Variants in GNAS observed in about 807,000 individuals in gnomAD.
GNAS encodes GNAS complex locus, also known as protein ALEX.
Under a neutral mutation model 54.5 loss-of-function variants are expected in GNAS, and 8 were observed. The ratio of observed to expected loss-of-function variants is 0.15; its 90% CI spans 0.09 to 0.26. The LOEUF (loss-of-function observed/expected upper bound fraction) is 0.26, where lower values mean the gene tolerates loss of function less well. Ranked by LOEUF, GNAS falls within the 10% of genes least tolerant of loss-of-function variation. The probability of loss-of-function intolerance (pLI) is 1.00; values close to 1 mark genes in which losing one functional copy is unlikely to be tolerated. For synonymous variants in GNAS, 204 were observed against 191.4 expected (o/e 1.07, Z -0.54); for missense variants, 170 against 529.8 (o/e 0.32, Z 6.67).
chr20:58,843,870 TAA>T (rs2085839511), intron 1 of GNAS, among the ~76,000 whole-genome samples: 1 of 152,226 alleles, frequency 6.6e-6, no homozygotes, highest in Admixed American at 6.5e-5. Flanking sequence ...GATGTAGGTT[TAA>T]AGTTTTGCAA....
At chr20:58,862,559 G>T (rs1043850655) in intron 1 of GNAS, among the ~76,000 whole-genome samples, 3 of 145,588 alleles carry the variant, frequency 2.1e-5, no homozygotes, top group African/African-American at 5.1e-5. Flanking sequence ...TTGTTGCTGG[G>T]TTTTTTTTTT....
intron 1 of GNAS, among the ~76,000 whole-genome samples, chr20:58,885,472 T>C (rs1447915484): frequency 6.6e-6 from 1 of 152,226 alleles, no homozygotes; most frequent in Non-Finnish European, 1.5e-5. Context: ...TGATGGATAA[T>C]AAATAGGAAA....
At chr20:58,870,832 C>T (rs2087393990) in intron 1 of GNAS, among the ~76,000 whole-genome samples, 1 of 152,178 alleles carries the variant, frequency 6.6e-6, no homozygotes, top group South Asian at 2.1e-4. Flanking sequence ...GAACCCACAT[C>T]CCACACTTGG....
intron 1 of GNAS, among the ~76,000 whole-genome samples, chr20:58,864,961 A>T (rs1396980932): frequency 1.3e-5 from 2 of 151,716 alleles, no homozygotes; most frequent in Non-Finnish European, 2.9e-5. Context: ...ACACACAAAC[A>T]CACACGCACG....
intron 1 of GNAS, chr20:58,854,854 C>T: frequency 6.3e-7 from 1 of 1,596,988 alleles, no homozygotes. Flanking sequence ...CATCTCAGAC[C>T]CCCCAGCCCC....
In GNAS at chr20:58,909,054, CTG is replaced by C; in HGVS notation, c.531-105_531-104del. ...GTGCCATTGACTTAGTGCTGCATAA[CTG>C]TGGGACGGTCACTTCCGTTGAGCCT... On this transcript the variant is annotated intron_variant, in intron 6 of 12. Coordinates refer to ENST00000371085, the MANE Select transcript of GNAS (RefSeq NM_000516.7). This position sits in a 1 kb window ranked among gnomAD's most constrained non-coding sequence, Gnocchi z 7.3. The C allele has an allele frequency of 1.1e-6, 1 of 902,594 alleles. No homozygotes were observed. Among genetic ancestry groups the C allele is most frequent in the South Asian group, 1.3e-5 (1 of 76,440 alleles). 55.9% of individuals were successfully genotyped at this position (902,594 alleles called of 1,614,324 possible). A position where few individuals can be genotyped will look rare whatever the true frequency, so the allele number is the denominator to read the frequency against.
At chr20:58,855,700 G>A in intron 1 of GNAS, 1 of 656,734 alleles carries the variant, frequency 1.5e-6, no homozygotes, top group South Asian at 1.7e-5. Flanking sequence ...CCCTGGCTAG[G>A]CTGGTGGGGT....
intron 1 of GNAS, among the ~76,000 whole-genome samples, chr20:58,882,578 ACTCAGC>A (rs1237005107): frequency 6.6e-6 from 1 of 152,130 alleles, no homozygotes; most frequent in Non-Finnish European, 1.5e-5. Flanking sequence ...AGTGTCCAAA[ACTCAGC>A]CCCATGGATC....
At chr20:58,888,652 C>G (rs923486171), upstream of GNAS, 1 of 152,256 alleles carries the variant, frequency 6.6e-6, no homozygotes, top group African/African-American at 2.4e-5. Context: ...TCCCGTGACA[C>G]CGGCGCGCCT....
chr20:58,892,870 GC>G (rs112895364), intron 1 of GNAS, among the ~76,000 whole-genome samples: 3 of 101,032 alleles, frequency 3.0e-5, no homozygotes, highest in South Asian at 3.1e-4. Context: ...TGTAGCAGCT[GC>G]CCCCCCCACC....
intron 6 of GNAS, among the ~76,000 whole-genome samples, chr20:58,907,259 C>T (rs1046921018): frequency 2.6e-5 from 4 of 152,092 alleles, no homozygotes; most frequent in Non-Finnish European, 5.9e-5. Context: ...AGATATTCCA[C>T]GGTTTAATAT....
At chr20:58,840,618 C>CCGACGCCT, upstream of GNAS, 1 of 1,608,256 alleles carries the variant, frequency 6.2e-7, no homozygotes, top group East Asian at 2.2e-5. This position sits in a 1 kb window ranked among gnomAD's most constrained non-coding sequence, Gnocchi z 6.0. Context: ...TTGCGAAGCC[C>CCGACGCCT]CGACGCCTCC....
upstream of GNAS, among the ~76,000 whole-genome samples, chr20:58,887,082 G>C (rs1293159942): frequency 6.6e-6 from 1 of 152,204 alleles, no homozygotes; most frequent in Non-Finnish European, 1.5e-5. Flanking sequence ...TAAAGTTCAG[G>C]TGTGATGTTT....
At chr20:58,889,423 C>T (rs2088894714), upstream of GNAS, 1 of 969,184 alleles carries the variant, frequency 1.0e-6, no homozygotes, top group Non-Finnish European at 1.2e-6. Context: ...GCCGCCGGGT[C>T]CGGGACAAGG....
intron 1 of GNAS, chr20:58,892,149 C>G (rs1449086784): frequency 1.0e-6 from 1 of 961,674 alleles, no homozygotes. Context: ...CGCTCTCGCT[C>G]TCCCCCTCTT....
At position 58,891,878 on chromosome 20, in the gene GNAS, GGGGGGCGCCGGCCCCGGCCC is replaced by G; in HGVS notation, c.139+20_139+39del. On this transcript the variant is annotated intron_variant, in intron 1 of 12. Coordinates refer to ENST00000371085, the MANE Select transcript of GNAS (RefSeq NM_000516.7). ...CTGCTGCTGCTGGGTAAGGGCGGGC[GGGGGGCGCCGGCCCCGGCCC>G]GGGGGCCCTCGAAGGGCGCCCCGCA... The G allele has an allele frequency of 8.6e-7, 1 of 1,160,092 alleles. No individual in the cohort carries two copies. Among genetic ancestry groups the G allele is most frequent in the Non-Finnish European group, 1.1e-6 (1 of 909,608 alleles). 71.9% of individuals were successfully genotyped at this position (1,160,092 alleles called of 1,614,324 possible).
chr20:58,905,741 A>G (rs541882146), intron 6 of GNAS, among the ~76,000 whole-genome samples: 194 of 152,350 alleles, frequency 1.3e-3, no homozygotes, highest in African/African-American at 4.4e-3. Context: ...GATGAGTTTC[A>G]TAGTATTCCT....
At chr20:58,885,826 T>C (rs1358935452) in intron 1 of GNAS, among the ~76,000 whole-genome samples, 1 of 152,256 alleles carries the variant, frequency 6.6e-6, no homozygotes, top group African/African-American at 2.4e-5. Flanking sequence ...AGAACGTGCT[T>C]TGAAGACAGG....
intron 1 of GNAS, among the ~76,000 whole-genome samples, chr20:58,882,056 TTGTTTGTTTG>T (rs1460416486): frequency 3.3e-5 from 5 of 152,164 alleles, no homozygotes; most frequent in East Asian, 3.8e-4. Context: ...ATTTTCTTTT[TTGTTTGTTTG>T]TGTTTGTTTT....
Sources: allele counts gnomAD v4.1 joint callset (sites outside exome capture counted in the v4.1 genomes callset), GRCh38; gene constraint gnomAD v4.1.1; non-coding constraint Gnocchi (gnomAD v3.1); transcripts MANE v1.5; gene names NCBI Gene and HGNC (gene_info 2026-07-23, HGNC 2026-07-21).